RBMS3: variants seen among roughly 807,000 people sequenced by gnomAD.
The protein encoded by RBMS3 is RNA-binding motif, single-stranded-interacting protein 3.
Under a neutral mutation model 66.8 loss-of-function variants are expected in RBMS3, and 27 were observed. The ratio of observed to expected loss-of-function variants is 0.40; its 90% CI spans 0.30 to 0.56. The LOEUF is 0.56. Among genes scored for constraint, RBMS3 ranks in the 20% least tolerant of loss-of-function variants. RBMS3 has a pLI of 0.40. For synonymous variants in RBMS3, 188 were observed against 183.0 expected, an observed-to-expected ratio of 1.03 and a Z score of -0.22; for missense variants, 513 against 549.5, an observed-to-expected ratio of 0.93 and a Z score of 0.66.
chr3:29,577,504 C>T (rs1042038023), intron 3 of RBMS3, among the ~76,000 whole-genome samples: 2 of 152,188 alleles, frequency 1.3e-5, no homozygotes, highest in East Asian at 3.9e-4. Flanking sequence ...AGTCCCTGTG[C>T]CCTTGACTGC....
At position 29,419,212 on chromosome 3, in the gene RBMS3, T is replaced by G. The variant is rs142185411; in HGVS notation, c.76-15531T>G. On this transcript the variant is annotated intron_variant, in intron 1 of 14. Transcript: ENST00000383767. ...ATTCCAAGTTTATCTATTTATCTTTTCTTTGCTTTCTATGCTGTGCTGTGT... is the reference window on the plus strand; with the variant it reads ...ATTCCAAGTTTATCTATTTATCTTTGCTTTGCTTTCTATGCTGTGCTGTGT... Among the ~76,000 whole-genome samples, 897 of 152,274 alleles carry G rather than the reference T, an allele frequency of 5.9e-3. 7 individuals are homozygous for G. Among genetic ancestry groups the G allele is most frequent in the African/African-American group, 0.021 (859 of 41,566 alleles).
intron 1 of RBMS3, among the ~76,000 whole-genome samples, chr3:29,290,525 A>G (rs1416166949): frequency 6.6e-6 from 1 of 151,870 alleles, no homozygotes; most frequent in Non-Finnish European, 1.5e-5. Context: ...TCCATTACCA[A>G]TGTACACCAA....
chr3:29,609,908 C>G (rs1334053720), intron 4 of RBMS3, among the ~76,000 whole-genome samples: 1 of 152,022 alleles, frequency 6.6e-6, no homozygotes, highest in Non-Finnish European at 1.5e-5. Flanking sequence ...ATGTCCAAGT[C>G]AAAGAATTAT....
chr3:29,299,658 C>T (rs1306621517), intron 1 of RBMS3, among the ~76,000 whole-genome samples: 2 of 151,596 alleles, frequency 1.3e-5, no homozygotes, highest in African/African-American at 4.8e-5. Flanking sequence ...ATTTATATAG[C>T]ATTTACACTG....
intron 1 of RBMS3, among the ~76,000 whole-genome samples, chr3:29,292,682 A>G (rs531627744): frequency 6.6e-6 from 1 of 151,990 alleles, no homozygotes; most frequent in South Asian, 2.1e-4. Flanking sequence ...AAAAAGAAAA[A>G]AAGATGACAG....
intron 6 of RBMS3, among the ~76,000 whole-genome samples, chr3:29,825,201 A>C (rs1204881252): frequency 1.3e-5 from 2 of 151,728 alleles, no homozygotes; most frequent in African/African-American, 4.8e-5. Context: ...ACACCTGGCT[A>C]ATTTTTTGTA....
intron 4 of RBMS3, among the ~76,000 whole-genome samples, chr3:29,631,741 G>C (rs1485716139): frequency 6.6e-6 from 1 of 151,752 alleles, no homozygotes; most frequent in Admixed American, 6.6e-5. Flanking sequence ...ATCACTATTT[G>C]TCTATCTGGA....
chr3:29,955,988 G>C (rs1307992132), intron 12 of RBMS3, among the ~76,000 whole-genome samples: 1 of 152,012 alleles, frequency 6.6e-6, no homozygotes, highest in Non-Finnish European at 1.5e-5. Context: ...AAGCAAGGTG[G>C]ACTATAATTA....
chr3:29,551,993 T>G (rs2046196199), intron 3 of RBMS3, among the ~76,000 whole-genome samples: 1 of 131,208 alleles, frequency 7.6e-6, no homozygotes, highest in Admixed American at 7.5e-5. Context: ...AAAATTGTTC[T>G]AACTCACAAA....
At chr3:29,477,085 A>G (rs1208518766) in intron 2 of RBMS3, among the ~76,000 whole-genome samples, 1 of 151,910 alleles carries the variant, frequency 6.6e-6, no homozygotes, top group East Asian at 1.9e-4. Flanking sequence ...ATTTTAACTC[A>G]TTTTTTTTCC....
At chr3:29,308,745 ACAAAAAAAAAC>A (rs2034175842) in intron 1 of RBMS3, among the ~76,000 whole-genome samples, 1 of 32,188 alleles carries the variant, frequency 3.1e-5, no homozygotes, top group African/African-American at 8.4e-5. Context: ...TTAAAAAAAA[ACAAAAAAAAAC>A]AAAAAAAAAA....
intron 1 of RBMS3, among the ~76,000 whole-genome samples, chr3:29,384,118 C>T (rs2038894488): frequency 6.6e-6 from 1 of 152,000 alleles, no homozygotes; most frequent in South Asian, 2.1e-4. Flanking sequence ...GAGTTCAAGA[C>T]CAGCTGGGGC....
chr3:29,594,770 T>C (rs2047884474), intron 4 of RBMS3, among the ~76,000 whole-genome samples: 2 of 152,176 alleles, frequency 1.3e-5, no homozygotes, highest in African/African-American at 4.8e-5. Flanking sequence ...AAACTCAATA[T>C]TGAAATTGTC....
At chr3:29,536,659 T>C (rs1368840990) in intron 3 of RBMS3, among the ~76,000 whole-genome samples, 4 of 152,352 alleles carry the variant, frequency 2.6e-5, no homozygotes, top group African/African-American at 9.6e-5. Flanking sequence ...ACTGCAGAAA[T>C]GAGCTGCAAA....
intron 1 of RBMS3, among the ~76,000 whole-genome samples, chr3:29,381,379 C>A (rs1289167325): frequency 1.3e-5 from 2 of 152,178 alleles, no homozygotes; most frequent in Non-Finnish European, 2.9e-5. Context: ...GTATGTGCTA[C>A]CTTTTTTCTC....
Position 29,669,926 on chromosome 3 carries a change from G to A in RBMS3, c.400-69794G>A, listed in dbSNP as rs151276059. Among the ~76,000 whole-genome samples the A allele has an allele frequency of 2.0e-5, 3 of 152,188 alleles. No homozygotes were observed. In the East Asian group the frequency reaches 5.8e-4, roughly 29 times the overall value. ...AATCTTTCTGAATAAATCTTACACTGGTGTCCTTTGCCAAACTTCGCATTT... is the reference window on the plus strand; with the variant it reads ...AATCTTTCTGAATAAATCTTACACTAGTGTCCTTTGCCAAACTTCGCATTT... On this transcript the variant is annotated intron_variant, in intron 4 of 14. Coordinates refer to ENST00000383767, the MANE Select transcript of RBMS3 (RefSeq NM_001003793.3).
At chr3:29,445,166 C>T (rs1177061688) in intron 2 of RBMS3, among the ~76,000 whole-genome samples, 4 of 151,936 alleles carry the variant, frequency 2.6e-5, no homozygotes, top group Non-Finnish European at 5.9e-5. Flanking sequence ...ATTGGACTTA[C>T]ATCATAAAAC....
At chr3:29,582,863 T>C (rs147331045) in intron 3 of RBMS3, among the ~76,000 whole-genome samples, 3 of 152,310 alleles carry the variant, frequency 2.0e-5, no homozygotes, top group Non-Finnish European at 2.9e-5. Context: ...ATGCAATGTT[T>C]ATTTCTAGAA....
chr3:29,752,187 C>T (rs1466463089), intron 5 of RBMS3, among the ~76,000 whole-genome samples: 1 of 152,048 alleles, frequency 6.6e-6, no homozygotes, highest in Non-Finnish European at 1.5e-5. Flanking sequence ...GATAATCTTC[C>T]CCTGGAGTTG....
Sources: allele counts gnomAD v4.1 joint callset (sites outside exome capture counted in the v4.1 genomes callset), GRCh38; gene constraint gnomAD v4.1.1; transcripts MANE v1.5; gene names NCBI Gene and HGNC (gene_info 2026-07-23, HGNC 2026-07-21).